ARHGEF10: variants seen among roughly 807,000 people sequenced by gnomAD.
The protein encoded by ARHGEF10 is Rho guanine nucleotide exchange factor 10.
A neutral mutation model predicts 147.4 loss-of-function variants in ARHGEF10; 140 were observed. The observed-to-expected ratio is 0.95, with a 90% confidence interval of 0.83 to 1.09. The LOEUF (loss-of-function observed/expected upper bound fraction) is 1.09, where lower values mean the gene tolerates loss of function less well. Among genes scored for constraint, ARHGEF10 ranks in the 50% least tolerant of loss-of-function variants. ARHGEF10 has a pLI of 0.00. For missense variants in ARHGEF10, 2,222 were observed against 1,752.7 expected, an observed-to-expected ratio of 1.27 and a Z score of -4.78; for synonymous variants, 902 against 695.8, an observed-to-expected ratio of 1.30 and a Z score of -4.67.
chr8:1,858,167 AG>A, intron 3 of ARHGEF10, 52 bp downstream of exon 3: 1 of 1,255,414 alleles, frequency 8.0e-7, no homozygotes. Context: ...TCCCCAGGTG[AG>A]TCCCCAGGTG....
intron 6 of ARHGEF10, among the ~76,000 whole-genome samples, chr8:1,867,605 C>G (rs992569653): frequency 6.8e-4 from 104 of 152,224 alleles, no homozygotes; most frequent in Non-Finnish European, 3.4e-4. Context: ...TTCTTTCTCC[C>G]TTTAAGTTGG....
At chr8:1,899,763 T>C (rs968023979) in intron 15 of ARHGEF10, among the ~76,000 whole-genome samples, 2 of 152,264 alleles carry the variant, frequency 1.3e-5, no homozygotes, top group East Asian at 1.9e-4. Context: ...AAATATGTAC[T>C]GAGTTCTAAT....
chr8:1,888,600 A>G (rs1240638760), intron 11 of ARHGEF10, among the ~76,000 whole-genome samples: 1 of 131,216 alleles, frequency 7.6e-6, no homozygotes, highest in Non-Finnish European at 1.6e-5. Flanking sequence ...GTGAGGTGTC[A>G]CTGAGTGTGG....
intron 15 of ARHGEF10, among the ~76,000 whole-genome samples, chr8:1,901,716 A>C (rs1006520): frequency 1.3e-5 from 2 of 152,098 alleles, no homozygotes; most frequent in Non-Finnish European, 2.9e-5. Context: ...TCGCACGCCT[A>C]GTCCCCGGTG....
intron 26 of ARHGEF10, among the ~76,000 whole-genome samples, chr8:1,943,130 C>T (rs1223031675): frequency 6.6e-6 from 1 of 152,240 alleles, no homozygotes; most frequent in East Asian, 1.9e-4. Context: ...TAGCCTGAAG[C>T]AATGGCTGCG....
chr8:1,912,629 A>G (rs911208474), intron 18 of ARHGEF10, among the ~76,000 whole-genome samples: 2 of 128,200 alleles, frequency 1.6e-5, no homozygotes, highest in Non-Finnish European at 3.5e-5. Context: ...CGACATCCGG[A>G]GTTATGATGT....
upstream of ARHGEF10, among the ~76,000 whole-genome samples, chr8:1,823,773 G>A (rs1175162499): frequency 6.6e-6 from 1 of 151,884 alleles, no homozygotes; most frequent in African/African-American, 2.4e-5. Context: ...GCAGCGGGAG[G>A]GGGCGCGGGC....
At chr8:1,853,199 C>T (rs1044627655) in intron 2 of ARHGEF10, among the ~76,000 whole-genome samples, 1 of 152,194 alleles carries the variant, frequency 6.6e-6, no homozygotes, top group African/African-American at 2.4e-5. Flanking sequence ...ACCTGCCGTC[C>T]TGAGTGGGCA....
At chr8:1,924,266 A>G (rs1003594830) in intron 21 of ARHGEF10, among the ~76,000 whole-genome samples, 2 of 152,068 alleles carry the variant, frequency 1.3e-5, no homozygotes, top group Non-Finnish European at 2.9e-5. Context: ...CTCACTGAGA[A>G]GCAAAACACA....
intron 16 of ARHGEF10, 116 bp from the exon 17 acceptor site, chr8:1,905,455 C>A: frequency 2.3e-6 from 3 of 1,310,900 alleles, no homozygotes; most frequent in Non-Finnish European, 3.3e-6. Context: ...GAACGATTTC[C>A]GTAAAGCGCT....
Position 1,956,858 on chromosome 8 carries a change from T to C in ARHGEF10, c.3630T>C (p.Pro1210=), listed in dbSNP as rs2129298197. Residue 1210 remains proline, a synonymous_variant, in exon 29 of 29, where the codon CCT becomes CCC. Transcript: ENST00000349830. ...ACAAATCCAGGGACAGCCTGGCTCCTGGCCCCGAGCCTCAGGACGAAGACC... is the reference window on the plus strand; with the variant it reads ...ACAAATCCAGGGACAGCCTGGCTCCCGGCCCCGAGCCTCAGGACGAAGACC... The part of the protein sequence containing the change: ...DKDKSRDSLA[P]GPEPQDEDQK... 6.2e-7 allele frequency: 1 copy of C among 1,614,050 alleles called. No individual in the cohort carries two copies. Among genetic ancestry groups the C allele is most frequent in the East Asian group, 2.2e-5 (1 of 44,882 alleles).
intron 13 of ARHGEF10, 114 bp downstream of exon 13, chr8:1,894,686 TTCTC>T (rs1267883239): frequency 4.1e-5 from 51 of 1,233,054 alleles, no homozygotes; most frequent in Non-Finnish European, 5.6e-5. Flanking sequence ...AAGTGTGCAG[TTCTC>T]TCTAAAGGCC....
intron 16 of ARHGEF10, 113 bp downstream of exon 16, chr8:1,903,564 C>T (rs563254210): frequency 6.4e-6 from 9 of 1,405,326 alleles, no homozygotes; most frequent in African/African-American, 5.7e-5. Context: ...ATTCCCTTCG[C>T]CCAGAGTTCT....
chr8:1,880,544 T>A (rs532269333), intron 9 of ARHGEF10, among the ~76,000 whole-genome samples: 3 of 152,260 alleles, frequency 2.0e-5, no homozygotes, highest in Non-Finnish European at 2.9e-5. Context: ...ATTTTTTAAA[T>A]GAACATTTAT....
chr8:1,832,124 C>T (rs1264206647), intron 1 of ARHGEF10, among the ~76,000 whole-genome samples: 2 of 152,174 alleles, frequency 1.3e-5, no homozygotes, highest in African/African-American at 2.4e-5. Context: ...TGTGGCCCCG[C>T]TCTGCTGGTG....
At chr8:1,859,366 C>T (rs1321420858) in intron 3 of ARHGEF10, among the ~76,000 whole-genome samples, 7 of 139,034 alleles carry the variant, frequency 5.0e-5, no homozygotes, top group East Asian at 2.2e-4. Context: ...GTTGTTTGCC[C>T]GGTGTTTCTT....
chr8:1,904,747 G>C (rs1279079176), intron 16 of ARHGEF10, among the ~76,000 whole-genome samples: 1 of 152,174 alleles, frequency 6.6e-6, no homozygotes, highest in Non-Finnish European at 1.5e-5. Flanking sequence ...GCTCAGAGCT[G>C]GGCAGCAGCG....
chr8:1,899,568 A>C (rs966442806), intron 15 of ARHGEF10, among the ~76,000 whole-genome samples: 14 of 152,330 alleles, frequency 9.2e-5, no homozygotes, highest in Admixed American at 7.8e-4. Context: ...AAAGTATGAA[A>C]AAGGATACAT....
intron 1 of ARHGEF10, among the ~76,000 whole-genome samples, chr8:1,830,267 C>T (rs574239498): frequency 2.0e-5 from 3 of 152,214 alleles, no homozygotes; most frequent in East Asian, 3.9e-4. Flanking sequence ...GGGGCTCAGG[C>T]GGCTCATTTC....
Sources: gnomAD v4.1 joint callset for allele counts (sites outside exome capture counted in the v4.1 genomes callset) on GRCh38, gnomAD v4.1.1 for gene constraint, MANE v1.5 for transcripts, NCBI Gene and HGNC (gene_info 2026-07-23, HGNC 2026-07-21) for gene names.